WDFY2: variants seen among roughly 807,000 people sequenced by gnomAD.
WDFY2 encodes WD repeat and FYVE domain-containing protein 2.
In WDFY2, 36 loss-of-function variants were observed where a neutral mutation model predicts 56.4. The observed-to-expected ratio is 0.64, with a 90% CI of 0.49 to 0.84. The LOEUF (loss-of-function observed/expected upper bound fraction) is 0.84, where lower values mean the gene tolerates loss of function less well. Ranked by LOEUF, WDFY2 falls within the 40% of genes least tolerant of loss-of-function variation. WDFY2 has a pLI of 0.00. For synonymous variants in WDFY2, 176 were observed against 183.7 expected (o/e 0.96, Z 0.34); for missense variants, 444 against 512.2 (o/e 0.87, Z 1.29).
intron 1 of WDFY2, among the ~76,000 whole-genome samples, chr13:51,630,999 C>G (rs1226046380): frequency 6.6e-6 from 1 of 151,186 alleles, no homozygotes; most frequent in Non-Finnish European, 1.5e-5. Flanking sequence ...AGGCTAGTCT[C>G]GAACTCCTGA....
chr13:51,662,738 T>C (rs1955637649), intron 2 of WDFY2, among the ~76,000 whole-genome samples: 2 of 152,188 alleles, frequency 1.3e-5, no homozygotes, highest in African/African-American at 4.8e-5. Context: ...TATTGAAGGA[T>C]TTGGTCTGAT....
intron 6 of WDFY2, among the ~76,000 whole-genome samples, chr13:51,737,215 A>G (rs1457141024): frequency 6.6e-6 from 1 of 152,154 alleles, no homozygotes; most frequent in Admixed American, 6.5e-5. Context: ...GTAGTCAGCC[A>G]GGCACATGCT....
chr13:51,693,472 T>C (rs1015643491), intron 3 of WDFY2, among the ~76,000 whole-genome samples: 1 of 152,134 alleles, frequency 6.6e-6, no homozygotes, highest in African/African-American at 2.4e-5. Context: ...GGTTGTTCAG[T>C]TTCCATGTAG....
At chr13:51,751,961 C>T (rs1004268865) in intron 8 of WDFY2, among the ~76,000 whole-genome samples, 4 of 152,140 alleles carry the variant, frequency 2.6e-5, no homozygotes, top group African/African-American at 7.2e-5. Flanking sequence ...AATCTTTGAG[C>T]ATCTTAACAA....
intron 3 of WDFY2, among the ~76,000 whole-genome samples, chr13:51,698,167 C>T (rs753959523): frequency 3.9e-5 from 6 of 152,260 alleles, no homozygotes; most frequent in Non-Finnish European, 5.9e-5. Context: ...TCTTAAGCAC[C>T]GTGCTTTGCT....
intron 1 of WDFY2, among the ~76,000 whole-genome samples, chr13:51,607,062 C>G (rs929454135): frequency 3.3e-5 from 5 of 152,132 alleles, no homozygotes; most frequent in African/African-American, 1.2e-4. Context: ...AAACTCTGTT[C>G]CCTAAAATTT....
rs1302057632 is a variant in WDFY2, at chr13:51,693,293, CT to C, written c.280-10300del. Among the ~76,000 whole-genome samples, 7 of 152,056 alleles carry C rather than the reference CT, an allele frequency of 4.6e-5. No homozygotes were observed. In the East Asian group the frequency reaches 1.3e-3, roughly 29 times the overall value. On this transcript the variant is annotated intron_variant, in intron 3 of 11. Transcript: ENST00000298125. Reference sequence around the variant, plus strand: ...TGATGTTAGGGTGTCAATTTTGGATCTTTCCTGCTTTCTCTTGTGGGCATTT... The same window carrying C: ...TGATGTTAGGGTGTCAATTTTGGATCTTCCTGCTTTCTCTTGTGGGCATTT...
intron 2 of WDFY2, among the ~76,000 whole-genome samples, chr13:51,670,327 A>G (rs1490602556): frequency 2.0e-5 from 3 of 152,132 alleles, no homozygotes; most frequent in Admixed American, 6.5e-5. Flanking sequence ...AAAGAAAAGG[A>G]AGACTTTACT....
chr13:51,674,904 C>T (rs2138501602), intron 2 of WDFY2, among the ~76,000 whole-genome samples: 1 of 152,294 alleles, frequency 6.6e-6, no homozygotes, highest in East Asian at 1.9e-4. Context: ...AGAGTCCATA[C>T]TGACAGAACC....
intron 1 of WDFY2, among the ~76,000 whole-genome samples, chr13:51,597,232 A>G (rs1481944129): frequency 3.9e-5 from 6 of 152,256 alleles, no homozygotes; most frequent in African/African-American, 9.6e-5. Context: ...ATAAGTGAAC[A>G]AACGGTTGAG....
chr13:51,727,776 TCAGAGGACA>T lies in WDFY2; in HGVS notation c.587_595del (p.Arg196_His198del). On this transcript the variant is annotated inframe_deletion, in exon 6 of 12. Coordinates refer to ENST00000298125, the MANE Select transcript of WDFY2 (RefSeq NM_052950.4). Reference sequence around the variant, plus strand: ...GAAAACTGCACCCTGGTCACAACATTCAGAGGACACACAGGTAGGATTAACAGTAAAATC... The same window carrying T: ...GAAAACTGCACCCTGGTCACAACATTCACAGGTAGGATTAACAGTAAAATC... The T allele has an allele frequency of 6.2e-7, 1 of 1,614,174 alleles. No individual in the cohort carries two copies. Among genetic ancestry groups the T allele is most frequent in the Non-Finnish European group, 8.5e-7 (1 of 1,180,026 alleles).
At chr13:51,681,680 A>G (rs1268986883) in intron 3 of WDFY2, among the ~76,000 whole-genome samples, 1 of 152,130 alleles carries the variant, frequency 6.6e-6, no homozygotes, top group African/African-American at 2.4e-5. Context: ...TATATATTAC[A>G]TATGTAATAT....
At chr13:51,697,923 A>G (rs1951909977) in intron 3 of WDFY2, among the ~76,000 whole-genome samples, 1 of 152,232 alleles carries the variant, frequency 6.6e-6, no homozygotes, top group Non-Finnish European at 1.5e-5. Flanking sequence ...AAAGATTTAA[A>G]GAAAAGCTTC....
intron 4 of WDFY2, among the ~76,000 whole-genome samples, chr13:51,708,955 A>T (rs970447338): frequency 2.0e-5 from 3 of 152,224 alleles, no homozygotes; most frequent in African/African-American, 7.2e-5. Flanking sequence ...GAAGACCATA[A>T]CACTCGTAAA....
chr13:51,642,805 C>T (rs1307434179), intron 1 of WDFY2, among the ~76,000 whole-genome samples: 1 of 151,538 alleles, frequency 6.6e-6, no homozygotes, highest in South Asian at 2.1e-4. Flanking sequence ...CTCAGCCTAC[C>T]GAGTAGCTGG....
chr13:51,626,201 A>T (rs1251961669), intron 1 of WDFY2, among the ~76,000 whole-genome samples: 1 of 152,204 alleles, frequency 6.6e-6, no homozygotes, highest in Non-Finnish European at 1.5e-5. Flanking sequence ...TAAGACCTGG[A>T]TCTCTTTCCA....
chr13:51,723,725 T>C (rs551368213), intron 5 of WDFY2, among the ~76,000 whole-genome samples: 38 of 152,354 alleles, frequency 2.5e-4, no homozygotes, highest in African/African-American at 7.9e-4. Context: ...CTTTCAGTTA[T>C]GCTGAGATTG....
chr13:51,700,465 G>A (rs1951958827), intron 3 of WDFY2, among the ~76,000 whole-genome samples: 2 of 152,080 alleles, frequency 1.3e-5, no homozygotes, highest in East Asian at 1.9e-4. Flanking sequence ...TTAATTGTTC[G>A]TGAGTATTAA....
At chr13:51,641,290 T>C (rs1955150518) in intron 1 of WDFY2, among the ~76,000 whole-genome samples, 2 of 151,956 alleles carry the variant, frequency 1.3e-5, no homozygotes, top group African/African-American at 4.8e-5. Flanking sequence ...CAGGCTCGTC[T>C]TGAACTCCTG....
Sources: allele counts gnomAD v4.1 joint callset (sites outside exome capture counted in the v4.1 genomes callset), GRCh38; gene constraint gnomAD v4.1.1; transcripts MANE v1.5; gene names NCBI Gene and HGNC (gene_info 2026-07-23, HGNC 2026-07-21).